ADAMTS17: variants seen among roughly 807,000 people sequenced by gnomAD.
The protein encoded by ADAMTS17 is A disintegrin and metalloproteinase with thrombospondin motifs 17.
A neutral mutation model predicts 141.5 loss-of-function variants in ADAMTS17; 113 were observed. The observed-to-expected ratio is 0.80, with a 90% CI of 0.69 to 0.93. ADAMTS17 has a LOEUF of 0.93. Ranked by LOEUF, ADAMTS17 falls within the 40% of genes least tolerant of loss-of-function variation. The pLI is 0.00. For missense variants in ADAMTS17, 1,659 were observed against 1,517.9 expected (o/e 1.09, Z -1.54); for synonymous variants, 768 against 630.6 (o/e 1.22, Z -3.27).
At chr15:100,297,906 G>A (rs1339916519) in intron 3 of ADAMTS17, among the ~76,000 whole-genome samples, 1 of 152,154 alleles carries the variant, frequency 6.6e-6, no homozygotes. Context: ...GACAAGAGCA[G>A]AGCATGACAT....
rs551156602 is a variant in ADAMTS17, at chr15:100,088,223, T to G, written c.2137+8133A>C. 1.1e-3 allele frequency among the ~76,000 whole-genome samples: 164 copies of G among 152,242 alleles called. 2 individuals carry two copies. The highest frequency in any genetic ancestry group is 3.9e-3 in the African/African-American group (160 of 41,536). On this transcript the variant is annotated intron_variant, in intron 15 of 21. Coordinates refer to ENST00000268070, the MANE Select transcript of ADAMTS17 (RefSeq NM_139057.4). The stretch of plus-strand genomic sequence containing the variant: ...GACAAACAGAGAGCCAAATCATGAG[T>G]GAACTCCCATTCACAATTGCTTCAA...
At chr15:100,282,018 TGTGA>T (rs2044302224) in intron 3 of ADAMTS17, among the ~76,000 whole-genome samples, 1 of 152,176 alleles carries the variant, frequency 6.6e-6, no homozygotes, top group South Asian at 2.1e-4. Context: ...GTAGTAGATG[TGTGA>T]GTAATTCTCC....
intron 15 of ADAMTS17, among the ~76,000 whole-genome samples, chr15:100,077,277 C>T (rs2034440738): frequency 1.2e-5 from 1 of 86,206 alleles, no homozygotes; most frequent in African/African-American, 4.9e-5. Context: ...AACCCTATCT[C>T]TACCACAAAA....
At position 100,108,149 on chromosome 15, in the gene ADAMTS17, G is replaced by A. The variant is rs1219410567; in HGVS notation, c.2016+840C>T. ...CAGGGTTAATGCAGGTGGAGGGTAA[G>A]CTTCCTTCCTTCTTCTCGCATTCCT... On this transcript the variant is annotated intron_variant, in intron 14 of 21. Coordinates refer to ENST00000268070, the MANE Select transcript of ADAMTS17 (RefSeq NM_139057.4). Among the ~76,000 whole-genome samples the A allele has an allele frequency of 3.3e-5, 5 of 151,938 alleles. No homozygotes were observed. In the South Asian group the frequency reaches 8.3e-4, roughly 25 times the overall value.
At chr15:100,013,382 C>G (rs1358855603) in intron 18 of ADAMTS17, among the ~76,000 whole-genome samples, 1 of 152,150 alleles carries the variant, frequency 6.6e-6, no homozygotes, top group Admixed American at 6.5e-5. Context: ...TTATTTCTTT[C>G]TCTTGTCTGA....
At chr15:100,313,150 T>C (rs1444083682) in intron 3 of ADAMTS17, among the ~76,000 whole-genome samples, 1 of 152,114 alleles carries the variant, frequency 6.6e-6, no homozygotes, top group Non-Finnish European at 1.5e-5. Context: ...CAAAAATAAA[T>C]GAAAGCTTCC....
chr15:99,977,572 T>C (rs9920719), intron 20 of ADAMTS17, among the ~76,000 whole-genome samples: 98,215 of 149,820 alleles, frequency 0.66, 32,330 homozygotes, highest in African/African-American at 0.67. Flanking sequence ...TGCCACCACA[T>C]CTGGCTAATT....
At chr15:100,088,224 G>T in intron 15 of ADAMTS17, among the ~76,000 whole-genome samples, 1 of 152,146 alleles carries the variant, frequency 6.6e-6, no homozygotes, top group Non-Finnish European at 1.5e-5. Flanking sequence ...AATCATGAGT[G>T]AACTCCCATT....
At chr15:100,148,799 G>C (rs2039028626) in intron 10 of ADAMTS17, among the ~76,000 whole-genome samples, 1 of 151,580 alleles carries the variant, frequency 6.6e-6, no homozygotes, top group Non-Finnish European at 1.5e-5. Context: ...AGGGTAGTCA[G>C]GGTAGGCCTC....
intron 2 of ADAMTS17, among the ~76,000 whole-genome samples, chr15:100,332,853 C>T (rs967004887): frequency 3.3e-5 from 5 of 152,296 alleles, no homozygotes; most frequent in South Asian, 2.1e-4. Flanking sequence ...AGCCACTTGC[C>T]CTCTTGGGCC....
intron 21 of ADAMTS17, among the ~76,000 whole-genome samples, chr15:99,975,508 G>A (rs1374291835): frequency 6.6e-6 from 1 of 152,128 alleles, no homozygotes; most frequent in African/African-American, 2.4e-5. Context: ...ACCACAACCA[G>A]CCAGATCTTT....
At chr15:100,119,061 C>CACACACACACACACACACACACACACAG (rs1214959341) in intron 12 of ADAMTS17, among the ~76,000 whole-genome samples, 3 of 151,952 alleles carry the variant, frequency 2.0e-5, no homozygotes, top group Non-Finnish European at 4.4e-5. Flanking sequence ...CACACACACA[C>CACACACACACACACACACACACACACAG]AGAGACAGGC....
In ADAMTS17 at chr15:100,298,917, G is replaced by C. The variant is rs545663939; in HGVS notation, c.617-17516C>G. On this transcript the variant is annotated intron_variant, in intron 3 of 21. Coordinates refer to ENST00000268070, the MANE Select transcript of ADAMTS17 (RefSeq NM_139057.4). ...AAGTCCAAGATCAAAGAGTCAGTGG[G>C]GTTGGTTTCTTCAGAGGGCCACGAG... Among the ~76,000 whole-genome samples, 70 of 152,264 alleles carry C rather than the reference G, an allele frequency of 4.6e-4. 1 individual carries two copies. In the South Asian group the frequency reaches 0.014, roughly 30 times the overall value.
chr15:100,222,947 A>C (rs1022630766), intron 7 of ADAMTS17, among the ~76,000 whole-genome samples: 1 of 152,210 alleles, frequency 6.6e-6, no homozygotes, highest in Non-Finnish European at 1.5e-5. Flanking sequence ...CAAATCACAA[A>C]GGGGTGTTTC....
chr15:100,126,156 A>G (rs1415478705), intron 12 of ADAMTS17: 1 of 152,218 alleles, frequency 6.6e-6, no homozygotes, highest in Admixed American at 6.5e-5. Flanking sequence ...TGGAGGCTGC[A>G]GCCTGGACTT....
In ADAMTS17 at chr15:100,116,867, A is replaced by G. The variant is rs200371613; in HGVS notation, c.1868T>C (p.Leu623Pro). The G allele has an allele frequency of 3.6e-5, 58 of 1,614,182 alleles. No homozygotes were observed. The Admixed American group carries it at 9.7e-4, about 27-fold the overall frequency. ...TTTACCGTCAACCACCACGGCTGTCAGCAGGCCTTTCTTCTTGGGGCTCAG... is the reference window on the plus strand; with the variant it reads ...TTTACCGTCAACCACCACGGCTGTCGGCAGGCCTTTCTTCTTGGGGCTCAG... ...DRLSPKKKGL[L>P]TAVVVDDKPC... The change falls in exon 13 of 22, where the codon CTG (leucine) becomes CCG (proline). Residue 623 changes from leucine (L) to proline (P), a missense_variant. Transcript: ENST00000268070.
chr15:100,281,429 G>A (rs777753235), intron 3 of ADAMTS17, 28 bp from the exon 4 acceptor site: 1 of 1,604,982 alleles, frequency 6.2e-7, no homozygotes, highest in Non-Finnish European at 8.5e-7. Context: ...CATTTGTGCG[G>A]TCCTTGGCTT....
chr15:99,973,126 C>T lies in ADAMTS17; in HGVS notation c.*1276G>A, dbSNP rs999715596. The T allele has an allele frequency of 6.6e-6, 1 of 151,202 alleles. No individual in the cohort carries two copies. The highest frequency in any genetic ancestry group is 1.5e-5 in the Non-Finnish European group (1 of 67,876). 9.4% of individuals were successfully genotyped at this position (151,202 alleles called of 1,614,324 possible). A position where few individuals can be genotyped will look rare whatever the true frequency, so the allele number is the denominator to read the frequency against. ...CTGTGCTCTCAAAGAGGCCACTCTGCTTGTCTGCTGCCAGGCGTAAGGGGG... is the reference window on the plus strand; with the variant it reads ...CTGTGCTCTCAAAGAGGCCACTCTGTTTGTCTGCTGCCAGGCGTAAGGGGG... On this transcript the variant is annotated 3_prime_UTR_variant, in exon 22 of 22. Transcript: ENST00000268070.
chr15:100,067,049 A>G (rs2033587142), intron 15 of ADAMTS17, among the ~76,000 whole-genome samples: 1 of 143,684 alleles, frequency 7.0e-6, no homozygotes, highest in African/African-American at 2.6e-5. Flanking sequence ...TTTCTGTCTC[A>G]GCAGTATTCC....
Sources: allele counts gnomAD v4.1 joint callset (sites outside exome capture counted in the v4.1 genomes callset), GRCh38; gene constraint gnomAD v4.1.1; transcripts MANE v1.5; gene names NCBI Gene and HGNC (gene_info 2026-07-23, HGNC 2026-07-21).